Variants in CLUH observed in about 807,000 individuals in gnomAD.
CLUH encodes the protein CLUH binding protein of NUMT mRNA, also known as clustered mitochondria protein homolog.
Under a neutral mutation model 139.3 loss-of-function variants are expected in CLUH, and 77 were observed. The ratio of observed to expected loss-of-function variants is 0.55; its 90% confidence interval spans 0.46 to 0.67. CLUH has a LOEUF of 0.67. CLUH is among the 30% of genes least tolerant of loss of function. The pLI is 0.00. For missense variants in CLUH, 1,876 were observed against 1,875.8 expected (o/e 1.00, Z 0.00); for synonymous variants, 999 against 801.6 (o/e 1.25, Z -4.16).
rs771106278 is a variant in CLUH, at chr17:2,696,195, C to T, written c.2355G>A (p.Ala785=). Residue 785 remains alanine (A), a synonymous_variant, in exon 13 of 26, where the codon GCG becomes GCA. Coordinates refer to ENST00000651024, the MANE Select transcript of CLUH (RefSeq NM_001366661.1). ...TCTGGCAGGAGAGCAGGAAGGCAGC[C>T]GCGTCCTTCAGCAGCTGCTTCTGGT... is the stretch of plus-strand genomic sequence containing the variant. ...VRDQKQLLKD[A]AAFLLSCQIP... 3.4e-5 allele frequency: 53 copies of T among 1,572,336 alleles called. No individual in the cohort carries two copies. Among genetic ancestry groups the T allele is most frequent in the South Asian group, 3.2e-4 (27 of 85,350 alleles).
chr17:2,696,631 T>A lies in CLUH; in HGVS notation c.2185+88A>T, dbSNP rs930555211. ...CTCGCCCCCTAGCTCCTTGCAGAGA[T>A]GTCTGCCAGCCTCTCCCAGGTGGGG... On this transcript the variant is annotated intron_variant, in intron 11 of 25. Transcript: ENST00000651024. 345 of 1,550,702 alleles carry A rather than the reference T, an allele frequency of 2.2e-4. 2 individuals are homozygous for A. The highest frequency in any genetic ancestry group is 1.4e-4 in the Non-Finnish European group (156 of 1,143,866).
intron 16 of CLUH, 133 bp downstream of exon 16, chr17:2,694,724 T>G: frequency 7.3e-7 from 1 of 1,360,844 alleles, no homozygotes; most frequent in East Asian, 2.5e-5. Context: ...CACCCAGTGA[T>G]CTCCACAGCT....
rs1047865852 is a variant in CLUH at position 2,690,527 on chromosome 17, C to T, written c.*67G>A. ...CTTCCTCTTCCGCCCGCAGGCTCGC[C>T]CCCTTCTCCCGCAGTCGGGCTCCCT... is the stretch of plus-strand genomic sequence containing the variant. On this transcript the variant is annotated 3_prime_UTR_variant, in exon 26 of 26. Coordinates refer to ENST00000651024, the MANE Select transcript of CLUH (RefSeq NM_001366661.1). The T allele has an allele frequency of 3.8e-5, 50 of 1,333,078 alleles. No homozygotes were observed. The highest frequency in any genetic ancestry group is 4.9e-5 in the Non-Finnish European group (50 of 1,023,286). The allele number at this position is 1,333,078 out of a possible 1,614,324, so 82.6% of individuals were successfully genotyped here. A position where few individuals can be genotyped will look rare whatever the true frequency, so the allele number is the denominator to read the frequency against.
chr17:2,690,793 G>T lies in CLUH; in HGVS notation c.3864-16C>A, dbSNP rs891064376. 5 of 1,472,216 alleles carry T rather than the reference G, an allele frequency of 3.4e-6. No individual in the cohort carries two copies. Among genetic ancestry groups the T allele is most frequent in the Non-Finnish European group, 3.6e-6 (4 of 1,119,154 alleles). 91.2% of individuals were successfully genotyped at this position (1,472,216 alleles called of 1,614,324 possible). The stretch of plus-strand genomic sequence containing the variant: ...GTCTTTTTGGCTGAGGATAAGGGTG[G>T]GGATGGAGGTGGCTCTCAGAGGAGT... On this transcript the variant is annotated splice_polypyrimidine_tract_variant and intron_variant, in intron 25 of 25. Transcript: ENST00000651024.
intron 13 of CLUH, chr17:2,695,817 T>TG (rs1364456417): frequency 3.4e-6 from 2 of 580,014 alleles, no homozygotes; most frequent in East Asian, 5.8e-5. Context: ...GCCACGGTGT[T>TG]GGGGGAGCAC....
At position 2,703,931 on chromosome 17, in the gene CLUH, C is replaced by G. The variant is rs1252687924; in HGVS notation, c.303+431G>C. On this transcript the variant is annotated intron_variant, in intron 2 of 25. Transcript: ENST00000651024. This position sits in a 1 kb window ranked among gnomAD's most constrained non-coding sequence, Gnocchi z 4.2. ...GTGCCGAGACATACGACGACCCTGTCTCGTTCCCCACTGAGTCACCGGCTT... is the reference window on the plus strand; with the variant it reads ...GTGCCGAGACATACGACGACCCTGTGTCGTTCCCCACTGAGTCACCGGCTT... 6.6e-6 allele frequency among the ~76,000 whole-genome samples: 1 copy of G among 152,218 alleles called. No homozygotes were observed. The highest frequency in any genetic ancestry group is 6.5e-5 in the Admixed American group (1 of 15,282).
rs367587105 is a variant in CLUH, at chr17:2,692,838, G to A, written c.3254C>T (p.Ala1085Val). ...YAEALSNQQKAVLMSERVMGT... is the reference protein window; with the variant it reads ...YAEALSNQQKVVLMSERVMGT... ...CATCACCCGCTCGCTCATCAGCACC[G>A]CCTTCTGCTGGTTACTCAGGGCCTG... The change falls in exon 20 of 26, where the codon GCG (alanine) becomes GTG (valine). Residue 1085 changes from alanine (A) to valine (V), a missense_variant. This residue lies in a region of CLUH where 1,454 missense variants were observed against 1,384.4 expected (regional missense o/e 1.05). Transcript: ENST00000651024. 19 of 1,601,000 alleles carry A rather than the reference G, an allele frequency of 1.2e-5. No homozygotes were observed. The highest frequency in any genetic ancestry group is 9.0e-5 in the East Asian group (4 of 44,608).
In CLUH at chr17:2,703,206, A is replaced by G. The variant is rs950417288; in HGVS notation, c.475+112T>C. 7 of 1,141,372 alleles carry G rather than the reference A, an allele frequency of 6.1e-6. No individual in the cohort carries two copies. The Admixed American group carries it at 6.6e-5, about 11-fold the overall frequency. The allele number at this position is 1,141,372 out of a possible 1,614,324, so 70.7% of individuals were successfully genotyped here. ...GCCTGAGAAGCAGATCTGTGCTCCAATCCTGCCTCCATGAGCTCATCCGTG... is the reference window on the plus strand; with the variant it reads ...GCCTGAGAAGCAGATCTGTGCTCCAGTCCTGCCTCCATGAGCTCATCCGTG... On this transcript the variant is annotated intron_variant, in intron 3 of 25. Coordinates refer to ENST00000651024, the MANE Select transcript of CLUH (RefSeq NM_001366661.1). This position sits in a 1 kb window ranked among gnomAD's most constrained non-coding sequence, Gnocchi z 4.2.
At position 2,703,914 on chromosome 17, in the gene CLUH, AC is replaced by A. The variant is rs1294711906; in HGVS notation, c.304-426del. Among the ~76,000 whole-genome samples the A allele has an allele frequency of 6.6e-6, 1 of 152,184 alleles. No individual in the cohort carries two copies. Among genetic ancestry groups the A allele is most frequent in the Non-Finnish European group, 1.5e-5 (1 of 68,044 alleles). On this transcript the variant is annotated intron_variant, in intron 2 of 25. Transcript: ENST00000651024. This position sits in a 1 kb window ranked among gnomAD's most constrained non-coding sequence, Gnocchi z 4.2. ...GGGGCCCAAGCCTGCGGGTGCCGAG[AC>A]ATACGACGACCCTGTCTCGTTCCCC... is the stretch of plus-strand genomic sequence containing the variant.
rs1357910220 is a variant in CLUH at position 2,690,010 on chromosome 17, G to A, written c.*584C>T. ...CACGCCAGTCACAACGGCGGCTCCC[G>A]TCCCGCCCCAAACTAAAGTGCACCC... On this transcript the variant is annotated 3_prime_UTR_variant, in exon 26 of 26. Transcript: ENST00000651024. 6.6e-6 allele frequency: 1 copy of A among 151,898 alleles called. No individual in the cohort carries two copies. Among genetic ancestry groups the A allele is most frequent in the East Asian group, 1.9e-4 (1 of 5,148 alleles). The allele number at this position is 151,898 out of a possible 1,614,324, so 9.4% of individuals were successfully genotyped here. A position where few individuals can be genotyped will look rare whatever the true frequency, so the allele number is the denominator to read the frequency against.
intron 23 of CLUH, 37 bp downstream of exon 23, chr17:2,691,957 CCACGCCCCCG>C (rs750930426): frequency 0.052 from 20,139 of 386,086 alleles, 679 homozygotes; most frequent in African/African-American, 0.063. Context: ...CCCCGCCCCG[CCACGCCCCCG>C]CCCCGCCCCC....
chr17:2,701,159 C>A lies in CLUH; in HGVS notation c.1006G>T (p.Ala336Ser). Residue 336 changes from alanine (A) to serine (S), a missense_variant, in exon 7 of 26, where the codon GCT (alanine) becomes TCT (serine). Coordinates refer to ENST00000651024, the MANE Select transcript of CLUH (RefSeq NM_001366661.1). ...CACTACCTTTTCTTCTGCAGCACAGCGAAGTTCTTCTTGAAGGTCGGGCTG... is the reference window on the plus strand; with the variant it reads ...CACTACCTTTTCTTCTGCAGCACAGAGAAGTTCTTCTTGAAGGTCGGGCTG... ...QISPTFKKNF[A>S]VLQKKRVQRH... is the part of the protein sequence containing the mutation. 6.2e-7 allele frequency: 1 copy of A among 1,613,950 alleles called. No individual in the cohort carries two copies. Among genetic ancestry groups the A allele is most frequent in the Non-Finnish European group, 8.5e-7 (1 of 1,179,884 alleles).
chr17:2,690,919 A>G lies in CLUH; in HGVS notation c.3864-142T>C, dbSNP rs187952908. The G allele has an allele frequency of 1.0e-2, 6,095 of 612,344 alleles. 63 individuals are homozygous for G. The highest frequency in any genetic ancestry group is 0.023 in the Middle Eastern group (48 of 2,076). The allele number at this position is 612,344 out of a possible 1,614,324, so 37.9% of individuals were successfully genotyped here. ...GTGTGAACAAGCGCTTCCCTCCTGA[A>G]GGCGGAAGGTCCCTGAACACGGAGA... On this transcript the variant is annotated intron_variant, in intron 25 of 25. Coordinates refer to ENST00000651024, the MANE Select transcript of CLUH (RefSeq NM_001366661.1).
In CLUH at chr17:2,690,535, C is replaced by T; in HGVS notation, c.*59G>A. 7.3e-7 allele frequency: 1 copy of T among 1,367,258 alleles called. No individual in the cohort carries two copies. The highest frequency in any genetic ancestry group is 1.8e-5 in the South Asian group (1 of 56,574). The allele number at this position is 1,367,258 out of a possible 1,614,324, so 84.7% of individuals were successfully genotyped here. A position where few individuals can be genotyped will look rare whatever the true frequency, so the allele number is the denominator to read the frequency against. On this transcript the variant is annotated 3_prime_UTR_variant, in exon 26 of 26. Transcript: ENST00000651024. Reference sequence around the variant, plus strand: ...TCCGCCCGCAGGCTCGCCCCCTTCTCCCGCAGTCGGGCTCCCTGGTGACGG... The same window carrying T: ...TCCGCCCGCAGGCTCGCCCCCTTCTTCCGCAGTCGGGCTCCCTGGTGACGG...
intron 1 of CLUH, among the ~76,000 whole-genome samples, chr17:2,708,216 C>T (rs568727563): frequency 6.6e-6 from 1 of 152,330 alleles, no homozygotes; most frequent in South Asian, 2.1e-4. Context: ...CCTCCAGGAC[C>T]AGGGATCAGG....
At chr17:2,701,330 A>G in intron 6 of CLUH, 36 bp downstream of exon 6, 1 of 1,606,876 alleles carries the variant, frequency 6.2e-7, no homozygotes, top group Non-Finnish European at 8.5e-7. Context: ...GACGGCTGGC[A>G]CGGCAGGGGG....
Position 2,690,624 on chromosome 17 carries a change from GGCA to G in CLUH, c.4014_4016del (p.Ala1339del), listed in dbSNP as rs775373865. 1.3e-6 allele frequency: 2 copies of G among 1,503,746 alleles called. No individual in the cohort carries two copies. Among genetic ancestry groups the G allele is most frequent in the South Asian group, 2.6e-5 (2 of 75,712 alleles). The allele number at this position is 1,503,746 out of a possible 1,614,324, so 93.2% of individuals were successfully genotyped here. ...CCTGCACGCTCGGAGAAGGGTCCTT[GGCA>G]GCCGGGGGCTGGGAGCCCAGGTCTC... On this transcript the variant is annotated inframe_deletion, in exon 26 of 26. Coordinates refer to ENST00000651024, the MANE Select transcript of CLUH (RefSeq NM_001366661.1).
At chr17:2,695,145 A>C (rs1361749603) in intron 15 of CLUH, 44 bp from the exon 16 acceptor site, 1 of 1,612,982 alleles carries the variant, frequency 6.2e-7, no homozygotes, top group East Asian at 2.2e-5. Context: ...CCTCAGCCCC[A>C]CCTCAGGCTC....
At chr17:2,696,616 A>G (rs977854114) in intron 11 of CLUH, 78 bp from the exon 12 acceptor site, 3 of 1,535,808 alleles carry the variant, frequency 2.0e-6, no homozygotes, top group South Asian at 1.2e-5. Flanking sequence ...CTCGCCCCCT[A>G]GCTCCTTGCA....
Sources: gnomAD v4.1 joint callset for allele counts (sites outside exome capture counted in the v4.1 genomes callset) on GRCh38, gnomAD v4.1.1 for gene constraint, gnomAD v4.1.1 regional missense constraint, Gnocchi (gnomAD v3.1) non-coding constraint, MANE v1.5 for transcripts, NCBI Gene and HGNC (gene_info 2026-07-23, HGNC 2026-07-21) for gene names.